Variants in GALNTL6 observed in about 807,000 individuals in gnomAD.
GALNTL6 encodes polypeptide N-acetylgalactosaminyltransferase-like 6.
GALNTL6 carries 46 observed loss-of-function variants against 73.7 expected under a neutral mutation model. That is an observed-to-expected ratio of 0.62 (90% CI 0.49 to 0.80). GALNTL6 has a LOEUF of 0.80. Among genes scored for constraint, GALNTL6 ranks in the 30% least tolerant of loss-of-function variants. The probability of loss-of-function intolerance (pLI) is 0.00; values close to 1 mark genes in which losing one functional copy is unlikely to be tolerated. For missense variants in GALNTL6, 604 were observed against 755.0 expected (o/e 0.80, Z 2.34); for synonymous variants, 259 against 263.7 (o/e 0.98, Z 0.17).
intron 2 of GALNTL6, among the ~76,000 whole-genome samples, chr4:172,013,463 A>G (rs1741084782): frequency 1.3e-5 from 2 of 149,168 alleles, no homozygotes; most frequent in South Asian, 4.3e-4. Flanking sequence ...CTCGAGTGTC[A>G]TCCATATCAG....
At chr4:172,787,664 C>A (rs1469609819) in intron 5 of GALNTL6, among the ~76,000 whole-genome samples, 1 of 152,120 alleles carries the variant, frequency 6.6e-6, no homozygotes, top group Non-Finnish European at 1.5e-5. Flanking sequence ...GCTGAAATCA[C>A]CAGGAGGATC....
intron 2 of GALNTL6, among the ~76,000 whole-genome samples, chr4:171,926,350 T>G (rs1737984667): frequency 6.6e-6 from 1 of 152,268 alleles, no homozygotes; most frequent in South Asian, 2.1e-4. Context: ...TTGTTTCATG[T>G]AGATTCCAAT....
At chr4:173,032,522 C>G (rs1474785953) in intron 12 of GALNTL6, among the ~76,000 whole-genome samples, 3 of 150,604 alleles carry the variant, frequency 2.0e-5, no homozygotes, top group Admixed American at 6.6e-5. Context: ...CCCATCTCTA[C>G]AAAAAAATAC....
At chr4:172,379,556 A>AAC (rs1554019127) in intron 5 of GALNTL6, among the ~76,000 whole-genome samples, 49 of 143,894 alleles carry the variant, frequency 3.4e-4, no homozygotes, top group African/African-American at 1.2e-3. Context: ...AAAAAAAAAA[A>AAC]AGAACGGGTT....
rs370462603 is a variant in GALNTL6 at position 172,629,592 on chromosome 4, T to C, written c.554-179769T>C. Among the ~76,000 whole-genome samples, 25 of 152,354 alleles carry C rather than the reference T, an allele frequency of 1.6e-4. No individual in the cohort carries two copies. In the East Asian group the frequency reaches 4.8e-3, roughly 29 times the overall value. On this transcript the variant is annotated intron_variant, in intron 5 of 12. Coordinates refer to ENST00000506823, the MANE Select transcript of GALNTL6 (RefSeq NM_001034845.3). ...ATGATAAAAAGTACAAAATTTAAAA[T>C]TCAACAGTTACCACTATTAAATTTG...
intron 5 of GALNTL6, among the ~76,000 whole-genome samples, chr4:172,666,017 G>C (rs1731644139): frequency 6.6e-6 from 1 of 151,738 alleles, no homozygotes; most frequent in African/African-American, 2.4e-5. Flanking sequence ...TTTTTATCTA[G>C]ATTTTTACTA....
chr4:172,007,297 G>T (rs2221468), intron 2 of GALNTL6, among the ~76,000 whole-genome samples: 142,365 of 152,126 alleles, frequency 0.94, 66,905 homozygotes, highest in East Asian at 1. Flanking sequence ...TTTTTGAAAT[G>T]TGTTAAATTA....
At chr4:172,638,239 C>A (rs1347124933) in intron 5 of GALNTL6, among the ~76,000 whole-genome samples, 2 of 152,068 alleles carry the variant, frequency 1.3e-5, no homozygotes, top group African/African-American at 2.4e-5. Context: ...CCATTGCTGT[C>A]CAACAAGGAG....
At chr4:171,946,163 C>T (rs1015606806) in intron 2 of GALNTL6, among the ~76,000 whole-genome samples, 3 of 152,074 alleles carry the variant, frequency 2.0e-5, no homozygotes, top group Non-Finnish European at 4.4e-5. Flanking sequence ...CAAAACTGTC[C>T]TAATATCTAC....
intron 2 of GALNTL6, among the ~76,000 whole-genome samples, chr4:172,205,516 A>G (rs1736080847): frequency 2.0e-5 from 3 of 152,216 alleles, no homozygotes; most frequent in Non-Finnish European, 4.4e-5. Flanking sequence ...GGTAATCTAC[A>G]GTATTATTAG....
chr4:172,372,121 T>C (rs913543688), intron 5 of GALNTL6, among the ~76,000 whole-genome samples: 1 of 152,234 alleles, frequency 6.6e-6, no homozygotes, highest in African/African-American at 2.4e-5. Context: ...AACTATGGCA[T>C]AACCTACCCT....
At chr4:172,126,040 T>C (rs1733284453) in intron 2 of GALNTL6, among the ~76,000 whole-genome samples, 1 of 143,902 alleles carries the variant, frequency 6.9e-6, no homozygotes, top group Non-Finnish European at 1.5e-5. Context: ...ACTTAAAAAC[T>C]TCTTTTCTAG....
At chr4:172,303,249 C>T (rs1433767250) in intron 3 of GALNTL6, among the ~76,000 whole-genome samples, 1 of 152,184 alleles carries the variant, frequency 6.6e-6, no homozygotes, top group Non-Finnish European at 1.5e-5. Context: ...CCACCTGTCT[C>T]AGCCTCCCAA....
intron 7 of GALNTL6, among the ~76,000 whole-genome samples, chr4:172,834,613 C>T (rs551105115): frequency 2.0e-5 from 3 of 152,302 alleles, no homozygotes; most frequent in African/African-American, 7.2e-5. Flanking sequence ...ATCAGCTGGA[C>T]AGGAAGACAT....
intron 5 of GALNTL6, among the ~76,000 whole-genome samples, chr4:172,618,588 C>G (rs1273702951): frequency 6.6e-6 from 1 of 152,164 alleles, no homozygotes; most frequent in Non-Finnish European, 1.5e-5. Context: ...CATCACTTAA[C>G]ACAATCAGAT....
intron 5 of GALNTL6, among the ~76,000 whole-genome samples, chr4:172,758,623 C>T (rs1737890582): frequency 6.6e-6 from 1 of 152,210 alleles, no homozygotes; most frequent in South Asian, 2.1e-4. Context: ...AGTAGCTCCT[C>T]TTTATCTCAC....
intron 2 of GALNTL6, among the ~76,000 whole-genome samples, chr4:172,220,942 A>G (rs1736650983): frequency 6.6e-6 from 1 of 151,890 alleles, no homozygotes; most frequent in Non-Finnish European, 1.5e-5. Flanking sequence ...AAACATATTT[A>G]TATAGGCATA....
At chr4:171,814,381 G>A (rs1734463969) in intron 1 of GALNTL6, 31 bp from the exon 2 acceptor site, 2 of 601,414 alleles carry the variant, frequency 3.3e-6, no homozygotes, top group Non-Finnish European at 5.8e-6. Context: ...TAGTTTTCTG[G>A]GGGGAAAGTA....
At chr4:172,777,933 TTCTC>T (rs958181896) in intron 5 of GALNTL6, among the ~76,000 whole-genome samples, 1 of 152,164 alleles carries the variant, frequency 6.6e-6, no homozygotes, top group South Asian at 2.1e-4. Context: ...CCATGGTGAG[TTCTC>T]TCTATTTCCT....
Sources: allele counts gnomAD v4.1 joint callset (sites outside exome capture counted in the v4.1 genomes callset), GRCh38; gene constraint gnomAD v4.1.1; transcripts MANE v1.5; gene names NCBI Gene and HGNC (gene_info 2026-07-23, HGNC 2026-07-21).